The following MYLK variants were observed in gnomAD, a reference collection of about 807,000 sequenced individuals.
The protein encoded by MYLK is myosin light chain kinase, smooth muscle.
A neutral mutation model predicts 203.4 loss-of-function variants in MYLK; 106 were observed. That is an observed-to-expected ratio of 0.52 (90% CI 0.45 to 0.61). The LOEUF is 0.61. Among genes scored for constraint, MYLK ranks in the 20% least tolerant of loss-of-function variants. The pLI, the probability that MYLK is intolerant of heterozygous loss-of-function variation, is 0.00. For synonymous variants in MYLK, 867 were observed against 959.5 expected (o/e 0.90, Z 1.78); for missense variants, 2,072 against 2,442.3 (o/e 0.85, Z 3.20).
chr3:123,874,581 A>AT (rs2033028886), intron 2 of MYLK, among the ~76,000 whole-genome samples: 1 of 152,172 alleles, frequency 6.6e-6, no homozygotes, highest in Non-Finnish European at 1.5e-5. Flanking sequence ...TTAGGTTAGT[A>AT]TTTCTTAGAT....
chr3:123,677,068 A>G (rs1322192886), intron 20 of MYLK, among the ~76,000 whole-genome samples: 3 of 150,750 alleles, frequency 2.0e-5, no homozygotes, highest in Non-Finnish European at 1.5e-5. Flanking sequence ...TCCAGCTGGG[A>G]CTCCCCTAAA....
intron 23 of MYLK, among the ~76,000 whole-genome samples, chr3:123,662,657 C>T (rs2059601397): frequency 6.6e-6 from 1 of 152,240 alleles, no homozygotes; most frequent in South Asian, 2.1e-4. Flanking sequence ...AGACTTCTAA[C>T]CACGGTAGCC....
At chr3:123,664,710 G>C (rs1446965532) in intron 22 of MYLK, among the ~76,000 whole-genome samples, 1 of 152,158 alleles carries the variant, frequency 6.6e-6, no homozygotes, top group African/African-American at 2.4e-5. Flanking sequence ...AAACAACCCA[G>C]ATGTCCATCA....
At chr3:123,652,335 T>C (rs1464117526) in intron 24 of MYLK, among the ~76,000 whole-genome samples, 1 of 151,842 alleles carries the variant, frequency 6.6e-6, no homozygotes, top group Non-Finnish European at 1.5e-5. Flanking sequence ...ATGAGATCCA[T>C]GAGCTAAGTG....
At chr3:123,825,740 G>C (rs1198831586) in intron 3 of MYLK, among the ~76,000 whole-genome samples, 1 of 152,214 alleles carries the variant, frequency 6.6e-6, no homozygotes, top group African/African-American at 2.4e-5. Context: ...GTGGGTGGCT[G>C]TAGCCACAAC....
At chr3:123,757,671 C>T (rs1199220643) in intron 4 of MYLK, among the ~76,000 whole-genome samples, 3 of 152,096 alleles carry the variant, frequency 2.0e-5, no homozygotes, top group Admixed American at 1.3e-4. Flanking sequence ...ACAACAGACC[C>T]GAGGGGTTGC....
intron 5 of MYLK, among the ~76,000 whole-genome samples, chr3:123,744,981 A>T (rs1486840067): frequency 1.3e-5 from 2 of 152,156 alleles, no homozygotes; most frequent in Non-Finnish European, 2.9e-5. Context: ...ATATACAATT[A>T]TATGAGGTAA....
chr3:123,809,137 G>A (rs560183256), intron 3 of MYLK, among the ~76,000 whole-genome samples: 1 of 152,292 alleles, frequency 6.6e-6, no homozygotes, highest in South Asian at 2.1e-4. Context: ...AAGGCCTACA[G>A]AGAAGAAACT....
chr3:123,787,740 G>C (rs2064592207), intron 4 of MYLK, among the ~76,000 whole-genome samples: 1 of 152,114 alleles, frequency 6.6e-6, no homozygotes. Flanking sequence ...CTTGCCAGGA[G>C]GATAAAATGA....
At chr3:123,760,701 T>C (rs888639910) in intron 4 of MYLK, among the ~76,000 whole-genome samples, 4 of 152,214 alleles carry the variant, frequency 2.6e-5, no homozygotes, top group Non-Finnish European at 4.4e-5. Flanking sequence ...TGCCTCATCT[T>C]ACACAACTTT....
intron 2 of MYLK, among the ~76,000 whole-genome samples, chr3:123,835,108 G>A (rs530858008): frequency 6.6e-6 from 1 of 152,348 alleles, no homozygotes; most frequent in East Asian, 1.9e-4. Flanking sequence ...TTAGGATAGA[G>A]CAGTGTTTCT....
intron 2 of MYLK, among the ~76,000 whole-genome samples, chr3:123,845,811 G>A (rs2029910258): frequency 6.6e-6 from 1 of 152,046 alleles, no homozygotes; most frequent in Admixed American, 6.6e-5. Context: ...ACACTTCTAT[G>A]CCCAGCTAAT....
rs550603375 is a variant in MYLK, at chr3:123,669,176, G to A, written c.3653-1989C>T. On this transcript the variant is annotated intron_variant, in intron 20 of 33. Transcript: ENST00000360304. The stretch of plus-strand genomic sequence containing the variant: ...CTGGCAGGGGCACACTGAGATCACC[G>A]AGCTGATGGCTGCCGGCTGTGTGGT... 5.9e-5 allele frequency among the ~76,000 whole-genome samples: 9 copies of A among 152,346 alleles called. No homozygotes were observed. The South Asian group carries it at 1.0e-3, about 18-fold the overall frequency.
At chr3:123,710,407 C>A (rs1448519322) in intron 13 of MYLK, among the ~76,000 whole-genome samples, 1 of 152,132 alleles carries the variant, frequency 6.6e-6, no homozygotes, top group Non-Finnish European at 1.5e-5. Flanking sequence ...GCTTGGCATC[C>A]CTTTAACAAT....
At chr3:123,782,849 C>T (rs1226142299) in intron 4 of MYLK, among the ~76,000 whole-genome samples, 1 of 152,180 alleles carries the variant, frequency 6.6e-6, no homozygotes, top group Non-Finnish European at 1.5e-5. Context: ...AACACAGACA[C>T]TTAAAGAACT....
chr3:123,836,876 A>T (rs1449304925), intron 2 of MYLK, among the ~76,000 whole-genome samples: 5 of 152,200 alleles, frequency 3.3e-5, no homozygotes, highest in Admixed American at 1.3e-4. Context: ...AAAATTTATA[A>T]GACTAATAAC....
Position 123,884,318 on chromosome 3 carries a change from C to A in MYLK, c.-298G>T, listed in dbSNP as rs2033724391. 1 of 132,990 alleles carries A rather than the reference C, an allele frequency of 7.5e-6. No individual in the cohort carries two copies. The highest frequency in any genetic ancestry group is 1.6e-5 in the Non-Finnish European group (1 of 64,040). The allele number at this position is 132,990 out of a possible 1,614,324, so 8.2% of individuals were successfully genotyped here. A position where few individuals can be genotyped will look rare whatever the true frequency, so the allele number is the denominator to read the frequency against. On this transcript the variant is annotated 5_prime_UTR_variant, in exon 1 of 34. Transcript: ENST00000360304. ...GCTCAGCGCCCTGCTGCCGACCGGGCGGCGCGGGGAGCCCGCGAGGCGCGT... is the reference window on the plus strand; with the variant it reads ...GCTCAGCGCCCTGCTGCCGACCGGGAGGCGCGGGGAGCCCGCGAGGCGCGT...
At chr3:123,816,570 T>C (rs1339861611) in intron 3 of MYLK, among the ~76,000 whole-genome samples, 1 of 152,224 alleles carries the variant, frequency 6.6e-6, no homozygotes, top group Non-Finnish European at 1.5e-5. Flanking sequence ...TGTATTTCAC[T>C]GGTTGGCCAG....
rs566307406 is a variant in MYLK at position 123,672,665 on chromosome 3, G to A, written c.3653-5478C>T. Among the ~76,000 whole-genome samples the A allele has an allele frequency of 5.1e-4, 78 of 152,352 alleles. 2 individuals are homozygous for A. The South Asian group carries it at 0.016, about 31-fold the overall frequency. The stretch of plus-strand genomic sequence containing the variant: ...CCCTAACTAATCTTTCAGTGTCATG[G>A]TTAAATAGGATTGAAGGTCAAATTT... On this transcript the variant is annotated intron_variant, in intron 20 of 33. Coordinates refer to ENST00000360304, the MANE Select transcript of MYLK (RefSeq NM_053025.4).
Sources: allele counts gnomAD v4.1 joint callset (sites outside exome capture counted in the v4.1 genomes callset), GRCh38; gene constraint gnomAD v4.1.1; transcripts MANE v1.5; gene names NCBI Gene and HGNC (gene_info 2026-07-23, HGNC 2026-07-21).